The following TMCC1 variants were observed in gnomAD, a reference collection of about 807,000 sequenced individuals.
The protein encoded by TMCC1 is transmembrane and coiled-coil domains protein 1.
Under a neutral mutation model 52.4 loss-of-function variants are expected in TMCC1, and 15 were observed. The observed-to-expected ratio is 0.29, with a 90% confidence interval of 0.19 to 0.44. The LOEUF is 0.44. TMCC1 is among the 20% of genes least tolerant of loss of function. TMCC1 has a pLI of 1.00. For missense variants in TMCC1, 503 were observed against 806.0 expected (o/e 0.62, Z 4.55); for synonymous variants, 279 against 301.9 (o/e 0.92, Z 0.79).
intron 4 of TMCC1, among the ~76,000 whole-genome samples, chr3:129,690,431 A>G (rs2046946083): frequency 6.6e-6 from 1 of 152,172 alleles, no homozygotes; most frequent in African/African-American, 2.4e-5. Context: ...ATCTTTTGTA[A>G]GATTAATGTT....
chr3:129,698,999 A>C (rs2047617517), intron 4 of TMCC1, among the ~76,000 whole-genome samples: 1 of 152,352 alleles, frequency 6.6e-6, no homozygotes, highest in South Asian at 2.1e-4. Flanking sequence ...TTAACTAAAA[A>C]ACTATCCAGA....
intron 4 of TMCC1, among the ~76,000 whole-genome samples, chr3:129,772,966 C>T (rs1413522508): frequency 6.6e-6 from 1 of 152,076 alleles, no homozygotes; most frequent in Admixed American, 6.6e-5. Context: ...TAACCTCTTT[C>T]GATGGAAATA....
chr3:129,652,454 C>T (rs187471120), intron 6 of TMCC1, among the ~76,000 whole-genome samples: 4 of 152,074 alleles, frequency 2.6e-5, no homozygotes, highest in Admixed American at 2.6e-4. Context: ...TGAGTTGTGG[C>T]ACAAATGACC....
At chr3:129,734,920 T>C (rs538255143) in intron 4 of TMCC1, among the ~76,000 whole-genome samples, 2 of 151,818 alleles carry the variant, frequency 1.3e-5, no homozygotes, top group African/African-American at 4.8e-5. Context: ...TTTTTTTTTT[T>C]GAGATGGAGT....
chr3:129,698,385 G>T lies in TMCC1; in HGVS notation c.577-27121C>A, dbSNP rs577347633. On this transcript the variant is annotated intron_variant, in intron 4 of 6. Coordinates refer to ENST00000393238, the MANE Select transcript of TMCC1 (RefSeq NM_001017395.5). ...CTCATGATTAAATTACTTCCCACTG[G>T]GTCCCACGACACATGGGGATTATGG... 4.6e-5 allele frequency among the ~76,000 whole-genome samples: 7 copies of T among 152,188 alleles called. No homozygotes were observed. The East Asian group carries it at 1.2e-3, about 25-fold the overall frequency.
At chr3:129,876,613 T>C (rs1173211477) in intron 2 of TMCC1, among the ~76,000 whole-genome samples, 1 of 151,398 alleles carries the variant, frequency 6.6e-6, no homozygotes, top group Non-Finnish European at 1.5e-5. Flanking sequence ...GGGCAACATA[T>C]GCAGACCTCA....
Position 129,670,498 on chromosome 3 carries a change from T to C in TMCC1, c.1343A>G (p.Lys448Arg). 6.2e-7 allele frequency: 1 copy of C among 1,614,202 alleles called. No individual in the cohort carries two copies. Among genetic ancestry groups the C allele is most frequent in the Non-Finnish European group, 8.5e-7 (1 of 1,180,028 alleles). The change falls in exon 5 of 7, where the codon AAA (lysine) becomes AGA (arginine). Residue 448 changes from lysine to arginine, a missense_variant. Physicochemically the swap from Lys to Arg is conservative, Grantham distance 26 (BLOSUM62 2). Around this residue, in one of 7 missense-constraint regions of TMCC1, gnomAD observed 121 missense variants for 193.6 expected, o/e 0.62. Transcript: ENST00000393238. ...GGIAVGASSS[K>R]TNTLDMQSSG... ...GCTCTGCATGTCCAGGGTGTTTGTT[T>C]TGGAGCTGGATGCTCCTACAGCGAT...
intron 4 of TMCC1, among the ~76,000 whole-genome samples, chr3:129,739,539 A>G (rs1460513223): frequency 6.6e-6 from 1 of 152,222 alleles, no homozygotes; most frequent in Non-Finnish European, 1.5e-5. Flanking sequence ...GAGTTTCTAC[A>G]TGAGCTGAAG....
chr3:129,650,655 C>T lies in TMCC1; in HGVS notation c.*826G>A, dbSNP rs940265304. ...ATAATAATAACAATAATAAAAAATCCTATTAGAAACCATAAGGAAGCACTG... is the reference window on the plus strand; with the variant it reads ...ATAATAATAACAATAATAAAAAATCTTATTAGAAACCATAAGGAAGCACTG... On this transcript the variant is annotated 3_prime_UTR_variant, in exon 7 of 7. Coordinates refer to ENST00000393238, the MANE Select transcript of TMCC1 (RefSeq NM_001017395.5). 55 of 152,416 alleles carry T rather than the reference C, an allele frequency of 3.6e-4. No individual in the cohort carries two copies. Among genetic ancestry groups the T allele is most frequent in the African/African-American group, 1.1e-3 (45 of 41,376 alleles). 9.4% of individuals were successfully genotyped at this position (152,416 alleles called of 1,614,324 possible).
intron 4 of TMCC1, among the ~76,000 whole-genome samples, chr3:129,777,797 A>G (rs2055163057): frequency 6.6e-6 from 1 of 152,234 alleles, no homozygotes; most frequent in African/African-American, 2.4e-5. Flanking sequence ...TGTGCAGAAT[A>G]AACAGATTCC....
At chr3:129,692,199 T>A (rs1193106386) in intron 4 of TMCC1, among the ~76,000 whole-genome samples, 1 of 152,244 alleles carries the variant, frequency 6.6e-6, no homozygotes, top group Admixed American at 6.5e-5. Flanking sequence ...ACAGGTTTAG[T>A]GATAAAATTA....
intron 2 of TMCC1, among the ~76,000 whole-genome samples, chr3:129,874,356 C>G (rs528340468): frequency 6.6e-6 from 1 of 152,306 alleles, no homozygotes; most frequent in Non-Finnish European, 1.5e-5. Flanking sequence ...TCTTCTGACT[C>G]AATTTACTAT....
rs1329807277 is a variant in TMCC1, at chr3:129,706,865, CA to C, written c.577-35602del. Among the ~76,000 whole-genome samples the C allele has an allele frequency of 2.8e-3, 423 of 152,142 alleles. 3 individuals carry two copies. Among genetic ancestry groups the C allele is most frequent in the African/African-American group, 9.6e-3 (397 of 41,486 alleles). On this transcript the variant is annotated intron_variant, in intron 4 of 6. Coordinates refer to ENST00000393238, the MANE Select transcript of TMCC1 (RefSeq NM_001017395.5). Reference sequence around the variant, plus strand: ...CAGGCTGGAGTGCAATGGCTATTCACAGGTGTGATCATAGCTCACTGCAGCC... The same window carrying C: ...CAGGCTGGAGTGCAATGGCTATTCACGGTGTGATCATAGCTCACTGCAGCC...
intron 4 of TMCC1, among the ~76,000 whole-genome samples, chr3:129,697,355 T>A (rs1030581305): frequency 6.6e-6 from 1 of 152,112 alleles, no homozygotes; most frequent in Non-Finnish European, 1.5e-5. Flanking sequence ...CCTTTTTAGT[T>A]AAGGGTGGAG....
At chr3:129,710,553 T>A (rs1174666729) in intron 4 of TMCC1, among the ~76,000 whole-genome samples, 1 of 152,220 alleles carries the variant, frequency 6.6e-6, no homozygotes, top group African/African-American at 2.4e-5. Flanking sequence ...AAGCTAAATC[T>A]GGAGCTCAGA....
chr3:129,791,285 G>A (rs1241373543), intron 4 of TMCC1, among the ~76,000 whole-genome samples: 4 of 151,704 alleles, frequency 2.6e-5, no homozygotes, highest in Admixed American at 6.6e-5. Flanking sequence ...AGTAGAGATG[G>A]GGTTTCACCA....
chr3:129,818,380 T>C (rs577469884), intron 4 of TMCC1, among the ~76,000 whole-genome samples: 2 of 151,896 alleles, frequency 1.3e-5, no homozygotes, highest in African/African-American at 4.8e-5. Flanking sequence ...AGAAACTTTT[T>C]AAATTTTCTT....
At chr3:129,829,840 A>T (rs2058828191) in intron 3 of TMCC1, among the ~76,000 whole-genome samples, 1 of 152,208 alleles carries the variant, frequency 6.6e-6, no homozygotes, top group Non-Finnish European at 1.5e-5. Context: ...ACAGGAATGC[A>T]AACTCACTAA....
At chr3:129,771,666 T>G (rs2054583034) in intron 4 of TMCC1, among the ~76,000 whole-genome samples, 2 of 148,386 alleles carry the variant, frequency 1.3e-5, no homozygotes, top group Admixed American at 1.4e-4. Flanking sequence ...TCCCAGCTAC[T>G]AGAGAGGCTA....
Sources: gnomAD v4.1 joint callset for allele counts (sites outside exome capture counted in the v4.1 genomes callset) on GRCh38, gnomAD v4.1.1 for gene constraint, gnomAD v4.1.1 regional missense constraint, MANE v1.5 for transcripts, NCBI Gene and HGNC (gene_info 2026-07-23, HGNC 2026-07-21) for gene names.